Variants in FSTL5 observed in about 807,000 individuals in gnomAD.
FSTL5 encodes follistatin-related protein 5.
In FSTL5, 62 loss-of-function variants were observed where a neutral mutation model predicts 89.1. That is an observed-to-expected ratio of 0.70 (90% CI 0.57 to 0.86). The LOEUF (loss-of-function observed/expected upper bound fraction) is 0.86. Ranked by LOEUF, FSTL5 falls within the 40% of genes least tolerant of loss-of-function variation. The pLI, the probability that FSTL5 is intolerant of heterozygous loss-of-function variation, is 0.00. For missense variants in FSTL5, 1,057 were observed against 1,001.6 expected (o/e 1.06, Z -0.75); for synonymous variants, 383 against 346.2 (o/e 1.11, Z -1.18).
intron 1 of FSTL5, among the ~76,000 whole-genome samples, chr4:162,138,668 T>C (rs1579057345): frequency 1.3e-5 from 2 of 152,014 alleles, no homozygotes; most frequent in African/African-American, 4.8e-5. Context: ...AAATCTGTAA[T>C]AATTGGAAAG....
At chr4:161,529,516 C>A (rs951477573) in intron 10 of FSTL5, among the ~76,000 whole-genome samples, 3 of 141,826 alleles carry the variant, frequency 2.1e-5, no homozygotes, top group Admixed American at 7.7e-5. Context: ...TTCATAATAA[C>A]CTTATTGCTA....
At chr4:161,712,292 TTAAAAAGAATAAATAA>T (rs1738808814) in intron 6 of FSTL5, among the ~76,000 whole-genome samples, 1 of 152,004 alleles carries the variant, frequency 6.6e-6, no homozygotes, top group Non-Finnish European at 1.5e-5. Flanking sequence ...ATAAAAGTGT[TTAAAAAGAATAAATAA>T]TAAAAAGAAT....
intron 3 of FSTL5, among the ~76,000 whole-genome samples, chr4:162,018,462 A>AATT (rs1736979825): frequency 6.6e-6 from 1 of 152,142 alleles, no homozygotes; most frequent in African/African-American, 2.4e-5. Context: ...ATTTGTGAAT[A>AATT]ATTATTTCCT....
intron 4 of FSTL5, among the ~76,000 whole-genome samples, chr4:161,884,063 T>TC: frequency 6.6e-6 from 1 of 151,910 alleles, no homozygotes; most frequent in South Asian, 2.1e-4. Context: ...TAATTTAATT[T>TC]TTTTTGAGAC....
At chr4:161,699,814 G>T (rs932239468) in intron 6 of FSTL5, among the ~76,000 whole-genome samples, 2 of 152,244 alleles carry the variant, frequency 1.3e-5, no homozygotes, top group African/African-American at 4.8e-5. Context: ...TGGGGGCAAA[G>T]AATGATTTAG....
chr4:161,597,526 G>T (rs1734062947), intron 7 of FSTL5, among the ~76,000 whole-genome samples: 1 of 151,724 alleles, frequency 6.6e-6, no homozygotes, highest in Non-Finnish European at 1.5e-5. Context: ...TATACCTAAT[G>T]TAAATGACGA....
chr4:161,562,185 G>A (rs1335065044), intron 8 of FSTL5, among the ~76,000 whole-genome samples: 1 of 151,852 alleles, frequency 6.6e-6, no homozygotes, highest in Non-Finnish European at 1.5e-5. Context: ...TTGTTCTATT[G>A]ATCTATGTCT....
chr4:162,010,084 T>C (rs1027005888), intron 3 of FSTL5, among the ~76,000 whole-genome samples: 1 of 152,138 alleles, frequency 6.6e-6, no homozygotes, highest in African/African-American at 2.4e-5. Flanking sequence ...ATGCTTTGTT[T>C]CTACTTGTAG....
intron 4 of FSTL5, among the ~76,000 whole-genome samples, chr4:161,821,430 A>AT (rs1380541954): frequency 5.3e-4 from 81 of 152,170 alleles, no homozygotes; most frequent in African/African-American, 1.7e-3. Flanking sequence ...CTTTATTATT[A>AT]TTTTTTAAAT....
intron 12 of FSTL5, among the ~76,000 whole-genome samples, chr4:161,493,005 A>T (rs1047392599): frequency 6.6e-6 from 1 of 151,930 alleles, no homozygotes; most frequent in African/African-American, 2.4e-5. Context: ...TGACTTTTTT[A>T]AAATATGGAA....
At chr4:162,031,084 T>C (rs577536781) in intron 3 of FSTL5, among the ~76,000 whole-genome samples, 2 of 152,302 alleles carry the variant, frequency 1.3e-5, no homozygotes, top group African/African-American at 4.8e-5. Flanking sequence ...TTCAAATCTG[T>C]AGGACTATCT....
intron 3 of FSTL5, among the ~76,000 whole-genome samples, chr4:161,987,959 A>C (rs1736012371): frequency 9.0e-6 from 1 of 110,620 alleles, no homozygotes; most frequent in African/African-American, 3.6e-5. Context: ...AGTCTCAGAG[A>C]GGTAAAGAAA....
chr4:161,994,911 C>T (rs1736244056), intron 3 of FSTL5, among the ~76,000 whole-genome samples: 2 of 152,082 alleles, frequency 1.3e-5, no homozygotes, highest in African/African-American at 2.4e-5. Flanking sequence ...TCAATTTTTG[C>T]TTTTGTTGTG....
At chr4:161,712,502 T>G (rs1234378620) in intron 6 of FSTL5, among the ~76,000 whole-genome samples, 21 of 152,164 alleles carry the variant, frequency 1.4e-4, no homozygotes, top group Admixed American at 1.4e-3. Flanking sequence ...CAAGACTAAC[T>G]GGGTTTAAAT....
intron 11 of FSTL5, among the ~76,000 whole-genome samples, chr4:161,508,933 AT>A (rs1176652457): frequency 1.3e-5 from 2 of 152,214 alleles, no homozygotes; most frequent in South Asian, 2.1e-4. Flanking sequence ...GTTAAGTGTT[AT>A]TCCTTCCATT....
At chr4:161,389,918 T>A (rs975868769) in intron 15 of FSTL5, among the ~76,000 whole-genome samples, 11 of 152,228 alleles carry the variant, frequency 7.2e-5, no homozygotes, top group African/African-American at 2.4e-4. Flanking sequence ...TCTGTGCAGG[T>A]AATATTCTTA....
At chr4:162,030,999 T>A (rs961583430) in intron 3 of FSTL5, among the ~76,000 whole-genome samples, 3 of 152,194 alleles carry the variant, frequency 2.0e-5, no homozygotes, top group Admixed American at 1.3e-4. Flanking sequence ...ATGTACAATA[T>A]TTTAACATGT....
At chr4:161,927,218 T>C (rs1217687484) in intron 3 of FSTL5, among the ~76,000 whole-genome samples, 2 of 151,656 alleles carry the variant, frequency 1.3e-5, no homozygotes, top group Admixed American at 6.6e-5. Flanking sequence ...TATAAATCTA[T>C]GCAATGAGAG....
intron 2 of FSTL5, among the ~76,000 whole-genome samples, chr4:162,050,168 T>C (rs1281908006): frequency 1.3e-5 from 2 of 151,706 alleles, no homozygotes; most frequent in Non-Finnish European, 3.0e-5. Flanking sequence ...GAATACACAA[T>C]CTAGAATTGA....
Sources: gnomAD v4.1 joint callset for allele counts (sites outside exome capture counted in the v4.1 genomes callset) on GRCh38, gnomAD v4.1.1 for gene constraint, MANE v1.5 for transcripts, NCBI Gene and HGNC (gene_info 2026-07-23, HGNC 2026-07-21) for gene names.